SNTG1: variants seen among roughly 807,000 people sequenced by gnomAD.
SNTG1 encodes the protein syntrophin gamma 1.
SNTG1 carries 39 observed loss-of-function variants against 74.7 expected under a neutral mutation model. That is an observed-to-expected ratio of 0.52 (90% CI 0.40 to 0.68). The LOEUF (loss-of-function observed/expected upper bound fraction) is 0.68. Ranked by LOEUF, SNTG1 falls within the 30% of genes least tolerant of loss-of-function variation. The probability of loss-of-function intolerance (pLI) is 0.00; values close to 1 mark genes in which losing one functional copy is unlikely to be tolerated. For synonymous variants in SNTG1, 254 were observed against 217.1 expected (o/e 1.17, Z -1.49); for missense variants, 685 against 609.5 (o/e 1.12, Z -1.30).
chr8:50,668,435 G>C (rs1200019992), intron 15 of SNTG1, among the ~76,000 whole-genome samples: 4 of 149,802 alleles, frequency 2.7e-5, no homozygotes, highest in African/African-American at 9.8e-5. Flanking sequence ...TCCAAGGAGA[G>C]GTTTCTGATT....
intron 1 of SNTG1, among the ~76,000 whole-genome samples, chr8:50,132,864 G>C (rs940977800): frequency 1.3e-5 from 2 of 152,112 alleles, no homozygotes; most frequent in Non-Finnish European, 2.9e-5. Flanking sequence ...GATCATTCCT[G>C]GATAACTGTG....
chr8:50,184,073 T>A (rs145453916), intron 2 of SNTG1, among the ~76,000 whole-genome samples: 1 of 152,178 alleles, frequency 6.6e-6, no homozygotes, highest in Admixed American at 6.5e-5. Flanking sequence ...GCTTCTGAAA[T>A]TGTATCTTAC....
chr8:50,139,937 G>A (rs2081601082), intron 1 of SNTG1, among the ~76,000 whole-genome samples: 2 of 152,216 alleles, frequency 1.3e-5, no homozygotes. Flanking sequence ...GAATAGTCTT[G>A]CCAAATTCAG....
At chr8:50,030,466 T>C (rs1817648357) in intron 1 of SNTG1, among the ~76,000 whole-genome samples, 1 of 152,104 alleles carries the variant, frequency 6.6e-6, no homozygotes, top group Non-Finnish European at 1.5e-5. Context: ...CAAAATAATG[T>C]ATAGTTGAAA....
At chr8:50,304,274 A>G (rs1043740964) in intron 2 of SNTG1, among the ~76,000 whole-genome samples, 4 of 152,164 alleles carry the variant, frequency 2.6e-5, no homozygotes, top group African/African-American at 7.2e-5. Flanking sequence ...AATGCTGAGC[A>G]TATGACAGCA....
At chr8:50,179,042 CTT>C (rs897475935) in intron 2 of SNTG1, among the ~76,000 whole-genome samples, 1 of 152,152 alleles carries the variant, frequency 6.6e-6, no homozygotes, top group Non-Finnish European at 1.5e-5. Context: ...CAGTTTCACT[CTT>C]TTGAGTACTG....
chr8:49,938,603 T>TTTTCTTTTTTTTTTTTTCTTTTC, intron 1 of SNTG1, among the ~76,000 whole-genome samples: 1 of 74,754 alleles, frequency 1.3e-5, no homozygotes, highest in African/African-American at 4.5e-5. Flanking sequence ...TTTTCTTTTC[T>TTTTCTTTTTTTTTTTTTCTTTTC]TTTCTTTCTT....
intron 1 of SNTG1, among the ~76,000 whole-genome samples, chr8:50,085,905 T>G (rs1478829296): frequency 6.6e-6 from 1 of 152,184 alleles, no homozygotes; most frequent in Admixed American, 6.5e-5. Context: ...ACTGGGGCCT[T>G]GTCAATGGTA....
At chr8:50,693,440 A>G (rs570889995) in intron 15 of SNTG1, among the ~76,000 whole-genome samples, 1 of 152,318 alleles carries the variant, frequency 6.6e-6, no homozygotes, top group South Asian at 2.1e-4. Context: ...AATTGTAAAT[A>G]TATAAATGCA....
At chr8:50,705,839 TGG>T (rs1563766778) in intron 16 of SNTG1, among the ~76,000 whole-genome samples, 1 of 152,218 alleles carries the variant, frequency 6.6e-6, no homozygotes, top group Non-Finnish European at 1.5e-5. Context: ...GTTGGTCCTG[TGG>T]CTGACCTCAA....
chr8:50,538,009 A>T (rs147924256), intron 11 of SNTG1, among the ~76,000 whole-genome samples: 2 of 152,160 alleles, frequency 1.3e-5, no homozygotes, highest in African/African-American at 4.8e-5. Flanking sequence ...TGTTTTAGTT[A>T]CTCCTGCAAG....
At chr8:49,930,575 A>G (rs897827009) in intron 1 of SNTG1, among the ~76,000 whole-genome samples, 10 of 151,034 alleles carry the variant, frequency 6.6e-5, no homozygotes, top group African/African-American at 2.2e-4. Context: ...ATATATATAT[A>G]TGTTACAGAA....
intron 13 of SNTG1, among the ~76,000 whole-genome samples, chr8:50,619,656 G>T (rs1270882412): frequency 6.6e-6 from 1 of 151,624 alleles, no homozygotes; most frequent in Non-Finnish European, 1.5e-5. Flanking sequence ...GCATGAACCC[G>T]GGAGGCGGAG....
chr8:50,746,888 C>T (rs1243742530), intron 17 of SNTG1, among the ~76,000 whole-genome samples: 3 of 146,958 alleles, frequency 2.0e-5, no homozygotes, highest in African/African-American at 7.4e-5. Flanking sequence ...TATATATATA[C>T]ACATATGCTT....
chr8:50,002,195 A>G (rs780036676), intron 1 of SNTG1, among the ~76,000 whole-genome samples: 64 of 152,152 alleles, frequency 4.2e-4, no homozygotes, highest in Non-Finnish European at 7.8e-4. Flanking sequence ...CAAAGTGGGT[A>G]TTTTTTTAAA....
chr8:50,150,532 G>C (rs570692195), intron 1 of SNTG1, among the ~76,000 whole-genome samples: 2 of 152,236 alleles, frequency 1.3e-5, no homozygotes, highest in East Asian at 3.9e-4. Flanking sequence ...CTGTGGGTTT[G>C]TCATAAATAG....
intron 1 of SNTG1, among the ~76,000 whole-genome samples, chr8:50,160,622 A>T (rs1001663633): frequency 2.9e-5 from 4 of 136,026 alleles, no homozygotes; most frequent in Non-Finnish European, 6.1e-5. Flanking sequence ...ATCCCTGAAT[A>T]ACAAGGCATG....
At chr8:50,657,146 G>C in intron 14 of SNTG1, 121 bp downstream of exon 14, 1 of 482,758 alleles carries the variant, frequency 2.1e-6, no homozygotes, top group Non-Finnish European at 3.6e-6. Context: ...AGAAAAAGTA[G>C]AAATCAGTTT....
chr8:50,721,799 C>T (rs776706802), intron 17 of SNTG1, among the ~76,000 whole-genome samples: 17 of 152,144 alleles, frequency 1.1e-4, no homozygotes, highest in Non-Finnish European at 2.2e-4. Flanking sequence ...TATTGCATAG[C>T]TCTTGCAGGG....
Sources: allele counts gnomAD v4.1 joint callset (sites outside exome capture counted in the v4.1 genomes callset), GRCh38; gene constraint gnomAD v4.1.1; transcripts MANE v1.5; gene names NCBI Gene and HGNC (gene_info 2026-07-23, HGNC 2026-07-21).